Variants in SPATA17 observed in about 807,000 individuals in gnomAD.
SPATA17 encodes spermatogenesis-associated protein 17.
In SPATA17, 53 loss-of-function variants were observed where a neutral mutation model predicts 62.2. The ratio of observed to expected loss-of-function variants is 0.85; its 90% CI spans 0.68 to 1.07. The LOEUF (loss-of-function observed/expected upper bound fraction) is 1.07. Ranked by LOEUF, SPATA17 falls within the 50% of genes least tolerant of loss-of-function variation. The probability of loss-of-function intolerance (pLI) is 0.00; values close to 1 mark genes in which losing one functional copy is unlikely to be tolerated. For missense variants in SPATA17, 466 were observed against 425.5 expected, an observed-to-expected ratio of 1.10 and a Z score of -0.84; for synonymous variants, 146 against 146.8, an observed-to-expected ratio of 0.99 and a Z score of 0.04.
intron 5 of SPATA17, among the ~76,000 whole-genome samples, chr1:217,696,073 C>T (rs1403644521): frequency 2.0e-5 from 3 of 152,172 alleles, no homozygotes; most frequent in East Asian, 1.9e-4. Context: ...TGGGCAATGG[C>T]GGGCGCCCCT....
intron 4 of SPATA17, among the ~76,000 whole-genome samples, chr1:217,671,094 C>T (rs1670822879): frequency 6.6e-6 from 1 of 152,064 alleles, no homozygotes; most frequent in Non-Finnish European, 1.5e-5. Context: ...TGGGGATGCC[C>T]CACTTTTTTA....
intron 5 of SPATA17, among the ~76,000 whole-genome samples, chr1:217,694,818 G>A (rs1396228190): frequency 1.4e-5 from 2 of 141,786 alleles, no homozygotes; most frequent in Non-Finnish European, 3.1e-5. Flanking sequence ...TTGAATATTG[G>A]CCCCCACTCT....
At chr1:217,696,057 C>G (rs1671448597) in intron 5 of SPATA17, among the ~76,000 whole-genome samples, 1 of 152,148 alleles carries the variant, frequency 6.6e-6, no homozygotes, top group Non-Finnish European at 1.5e-5. Flanking sequence ...TTTACCTAAG[C>G]AAGCCTGGGC....
chr1:217,811,413 T>G (rs967779398), intron 9 of SPATA17, among the ~76,000 whole-genome samples: 1 of 152,180 alleles, frequency 6.6e-6, no homozygotes, highest in East Asian at 1.9e-4. Context: ...AAAACAACTT[T>G]ACATTTCTCC....
At chr1:217,865,937 T>C (rs1296870759) in intron 10 of SPATA17, among the ~76,000 whole-genome samples, 1 of 152,190 alleles carries the variant, frequency 6.6e-6, no homozygotes, top group African/African-American at 2.4e-5. Flanking sequence ...GTACTTTTTC[T>C]CCTTTTCCAT....
intron 9 of SPATA17, among the ~76,000 whole-genome samples, chr1:217,857,847 G>A (rs140540982): frequency 6.6e-6 from 1 of 152,256 alleles, no homozygotes; most frequent in East Asian, 1.9e-4. Flanking sequence ...GGACATAGAA[G>A]GTGCATACTT....
intron 7 of SPATA17, among the ~76,000 whole-genome samples, chr1:217,780,768 G>C (rs1673711216): frequency 6.6e-6 from 1 of 152,150 alleles, no homozygotes; most frequent in South Asian, 2.1e-4. Context: ...AGTGTTTACT[G>C]TGTTCTAGGT....
intron 9 of SPATA17, among the ~76,000 whole-genome samples, chr1:217,851,858 A>C (rs1675674202): frequency 6.6e-6 from 1 of 152,206 alleles, no homozygotes; most frequent in Non-Finnish European, 1.5e-5. Context: ...TCATTTGCAC[A>C]TTTAAAGACT....
chr1:217,755,003 C>T, intron 6 of SPATA17, among the ~76,000 whole-genome samples: 1 of 152,016 alleles, frequency 6.6e-6, no homozygotes, highest in East Asian at 1.9e-4. Context: ...TATTTAAGTT[C>T]TGAGATCAAA....
intron 4 of SPATA17, among the ~76,000 whole-genome samples, chr1:217,670,239 A>G (rs1279747029): frequency 6.6e-6 from 1 of 152,148 alleles, no homozygotes; most frequent in Non-Finnish European, 1.5e-5. Flanking sequence ...ATGTATCTCC[A>G]AAATAAAAAG....
intron 5 of SPATA17, among the ~76,000 whole-genome samples, chr1:217,697,819 G>T (rs1671494896): frequency 6.6e-6 from 1 of 152,100 alleles, no homozygotes; most frequent in Non-Finnish European, 1.5e-5. Context: ...TTGATGCTAA[G>T]GTAATGGTTA....
At chr1:217,655,915 A>G (rs774167873) in intron 3 of SPATA17, among the ~76,000 whole-genome samples, 6 of 152,156 alleles carry the variant, frequency 3.9e-5, no homozygotes, top group African/African-American at 7.2e-5. Flanking sequence ...TTGAGGTTGT[A>G]TGTCAATGGT....
rs1670247028 is a variant in SPATA17, at chr1:217,648,922, G to A, written c.109G>A (p.Val37Ile). The change falls in exon 2 of 11, where the codon GTT (valine) becomes ATT (isoleucine). Residue 37 changes from valine (V) to isoleucine (I), a missense_variant. By Grantham distance (29) the Val-to-Ile change is conservative. Transcript: ENST00000366933. ...PFRKKENDAA[V>I]KIQSWFRGCQ... ...TAGAAAAAAGGAGAATGATGCAGCA[G>A]TTAAAATCCAAAGCTGGTTTCGAGG... The A allele has an allele frequency of 6.2e-7, 1 of 1,610,190 alleles. No individual in the cohort carries two copies. The highest frequency in any genetic ancestry group is 1.3e-5 in the African/African-American group (1 of 74,838).
intron 5 of SPATA17, among the ~76,000 whole-genome samples, chr1:217,730,790 T>G (rs1672386880): frequency 6.6e-6 from 1 of 152,186 alleles, no homozygotes; most frequent in African/African-American, 2.4e-5. Context: ...GTTTCTTTTT[T>G]TAAAAAAACT....
chr1:217,859,177 A>ATATAAAAT (rs1195269661), intron 9 of SPATA17, among the ~76,000 whole-genome samples: 1 of 146,548 alleles, frequency 6.8e-6, no homozygotes, highest in African/African-American at 2.5e-5. Context: ...ATTTTATATA[A>ATATAAAAT]TATAAAATTA....
At chr1:217,666,239 G>T (rs1670692360) in intron 3 of SPATA17, among the ~76,000 whole-genome samples, 1 of 152,018 alleles carries the variant, frequency 6.6e-6, no homozygotes, top group African/African-American at 2.4e-5. Flanking sequence ...GTCATTCTTG[G>T]ATATGTTATT....
chr1:217,865,784 C>T (rs1675998849), intron 10 of SPATA17, among the ~76,000 whole-genome samples: 1 of 152,138 alleles, frequency 6.6e-6, no homozygotes, highest in African/African-American at 2.4e-5. Flanking sequence ...AGTTTTCATG[C>T]ATTACAGGCT....
intron 10 of SPATA17, among the ~76,000 whole-genome samples, chr1:217,865,016 T>TA (rs1675979873): frequency 6.6e-6 from 1 of 152,170 alleles, no homozygotes; most frequent in Non-Finnish European, 1.5e-5. Flanking sequence ...GACAATATTA[T>TA]AAAAACGTCA....
rs1553251071 is a variant in SPATA17 at position 217,770,978 on chromosome 1, A to AAT, written c.520-3356_520-3355insAT. On this transcript the variant is annotated intron_variant, in intron 6 of 10. Transcript: ENST00000366933. The stretch of plus-strand genomic sequence containing the variant: ...ATGTATCTATTATATAACTCATTGC[A>AAT]TTTTTTTTTTTTTTTTTTTTTTTTT... Among the ~76,000 whole-genome samples the AAT allele has an allele frequency of 6.6e-4, 33 of 50,142 alleles. 5 individuals are homozygous for AAT. Among genetic ancestry groups the AAT allele is most frequent in the Non-Finnish European group, 7.9e-4 (24 of 30,428 alleles). 32.9% of individuals were successfully genotyped at this position (50,142 alleles called of 152,430 possible).
Sources: gnomAD v4.1 joint callset for allele counts (sites outside exome capture counted in the v4.1 genomes callset) on GRCh38, gnomAD v4.1.1 for gene constraint, MANE v1.5 for transcripts, NCBI Gene and HGNC (gene_info 2026-07-23, HGNC 2026-07-21) for gene names.